LRRC4B: variants seen among roughly 807,000 people sequenced by gnomAD.
LRRC4B encodes leucine-rich repeat-containing protein 4B.
Under a neutral mutation model 7.3 loss-of-function variants are expected in LRRC4B, and 1 was observed. The ratio of observed to expected loss-of-function variants is 0.14; its 90% CI spans 0.05 to 0.65. LRRC4B has a LOEUF of 0.65. Among genes scored for constraint, LRRC4B ranks in the 30% least tolerant of loss-of-function variants. The pLI is 0.84. For missense variants in LRRC4B, 730 were observed against 1,041.6 expected, an observed-to-expected ratio of 0.70 and a Z score of 4.12; for synonymous variants, 500 against 499.2, an observed-to-expected ratio of 1.00 and a Z score of -0.02.
chr19:50,518,210 C>G lies in LRRC4B; in HGVS notation c.1503G>C (p.Glu501Asp). 6.2e-7 allele frequency: 1 copy of G among 1,609,074 alleles called. No homozygotes were observed. The highest frequency in any genetic ancestry group is 8.5e-7 in the Non-Finnish European group (1 of 1,178,816). Reference protein sequence around the residue: ...TVETLETQPGEEALQPRGTEK... With the variant: ...TVETLETQPGDEALQPRGTEK... Reference sequence around the variant, plus strand: ...CCGTCCCCCGCGGCTGCAGGGCCTCCTCTCCGGGCTGCGTCTCCAGGGTCT... The same window carrying G: ...CCGTCCCCCGCGGCTGCAGGGCCTCGTCTCCGGGCTGCGTCTCCAGGGTCT... The change falls in exon 3 of 3, where the codon GAG (glutamate) becomes GAC (aspartate). Residue 501 changes from glutamate to aspartate, a missense_variant. Physicochemically the swap from Glu to Asp is conservative, Grantham distance 45. Coordinates refer to ENST00000652263, the MANE Select transcript of LRRC4B (RefSeq NM_001080457.2).
In LRRC4B at chr19:50,556,524, G is replaced by C. The variant is rs996679548; in HGVS notation, c.-35-7651C>G. The stretch of plus-strand genomic sequence containing the variant: ...GACACCTCCAGGAGGTCTTCTTTGA[G>C]CTCCCCCTACCGTCCGTATCCCTTG... On this transcript the variant is annotated intron_variant, in intron 1 of 2. Coordinates refer to ENST00000652263, the MANE Select transcript of LRRC4B (RefSeq NM_001080457.2). This position sits in a 1 kb window ranked among gnomAD's most constrained non-coding sequence, Gnocchi z 4.2. Among the ~76,000 whole-genome samples, 1 of 152,148 alleles carries C rather than the reference G, an allele frequency of 6.6e-6. No homozygotes were observed. The highest frequency in any genetic ancestry group is 6.5e-5 in the Admixed American group (1 of 15,278).
chr19:50,535,120 G>A (rs560512535), intron 2 of LRRC4B, among the ~76,000 whole-genome samples: 18 of 151,846 alleles, frequency 1.2e-4, no homozygotes, highest in Admixed American at 8.5e-4. Context: ...TGCCCGCCTT[G>A]GCCTCCCAAA....
rs369881186 is a variant in LRRC4B at position 50,518,369 on chromosome 19, C to G, written c.1344G>C (p.Ser448=). ...VTNSAGNTTA[S]ATLNVSAVDP... is the part of the protein sequence containing the mutation. ...CCACGGCCGAGACGTTGAGCGTGGC[C>G]GAGGCGGTGGTGTTGCCGGCTGAGT... Residue 448 remains serine, a synonymous_variant, in exon 3 of 3, where the codon TCG becomes TCC. Coordinates refer to ENST00000652263, the MANE Select transcript of LRRC4B (RefSeq NM_001080457.2). 1 of 1,598,878 alleles carries G rather than the reference C, an allele frequency of 6.3e-7. No individual in the cohort carries two copies. The highest frequency in any genetic ancestry group is 8.5e-7 in the Non-Finnish European group (1 of 1,174,254).
In LRRC4B at chr19:50,548,555, T is replaced by C; in HGVS notation, c.284A>G (p.Glu95Gly). 6.3e-7 allele frequency: 1 copy of C among 1,598,254 alleles called. No homozygotes were observed. Among genetic ancestry groups the C allele is most frequent in the Non-Finnish European group, 8.5e-7 (1 of 1,178,126 alleles). Residue 95 changes from glutamate (E) to glycine (G), a missense_variant, in exon 2 of 3, where the codon GAG becomes GGG. Around this residue, in one of 6 missense-constraint regions of LRRC4B, gnomAD observed 143 missense variants for 158.4 expected, o/e 0.90. Coordinates refer to ENST00000652263, the MANE Select transcript of LRRC4B (RefSeq NM_001080457.2). The surrounding 1 kb of genome is among the most constrained non-coding windows in gnomAD (Gnocchi z 6.8). Reference protein sequence around the residue: ...PVNTRYLNLQENGIQVIRTDT... With the variant: ...PVNTRYLNLQGNGIQVIRTDT... ...GGCCCCGCATACCTGGATGCCGTTC[T>C]CTTGCAGGTTCAGGTACCGCGTGTT... is the stretch of plus-strand genomic sequence containing the variant.
At chr19:50,545,781 T>A (rs1481703152) in intron 2 of LRRC4B, among the ~76,000 whole-genome samples, 1 of 148,674 alleles carries the variant, frequency 6.7e-6, no homozygotes, top group Non-Finnish European at 1.5e-5. Context: ...TGGAGTGCAG[T>A]GGTGAAATCT....
In LRRC4B at chr19:50,519,465, T is replaced by TG. The variant is rs907721729; in HGVS notation, c.298-51dup. 10 of 1,485,640 alleles carry TG rather than the reference T, an allele frequency of 6.7e-6. No homozygotes were observed. The highest frequency in any genetic ancestry group is 2.8e-5 in the African/African-American group (2 of 71,706). 92.0% of individuals were successfully genotyped at this position (1,485,640 alleles called of 1,614,324 possible). On this transcript the variant is annotated intron_variant, in intron 2 of 2. Coordinates refer to ENST00000652263, the MANE Select transcript of LRRC4B (RefSeq NM_001080457.2). This position sits in a 1 kb window ranked among gnomAD's most constrained non-coding sequence, Gnocchi z 8.1. ...GTCACGGAGATACTGACGGGGACCGTGGGGGGATCACCAAGGTCCCGGGCG... is the reference window on the plus strand; with the variant it reads ...GTCACGGAGATACTGACGGGGACCGTGGGGGGGATCACCAAGGTCCCGGGCG...
intron 1 of LRRC4B, among the ~76,000 whole-genome samples, chr19:50,551,446 C>G (rs946426553): frequency 2.7e-5 from 4 of 149,926 alleles, no homozygotes; most frequent in Non-Finnish European, 5.9e-5. Context: ...CCTCCGGTCT[C>G]CTTCCACCCC....
In LRRC4B at chr19:50,563,692, C is replaced by G. The variant is rs531920750; in HGVS notation, c.-36+4252G>C. Among the ~76,000 whole-genome samples the G allele has an allele frequency of 1.3e-3, 200 of 152,310 alleles. No homozygotes were observed. Among genetic ancestry groups the G allele is most frequent in the Non-Finnish European group, 1.5e-3 (100 of 68,012 alleles). On this transcript the variant is annotated intron_variant, in intron 1 of 2. Coordinates refer to ENST00000652263, the MANE Select transcript of LRRC4B (RefSeq NM_001080457.2). This position sits in a 1 kb window ranked among gnomAD's most constrained non-coding sequence, Gnocchi z 4.9. ...CATGCTGGGGACAAGAGTGTGGGGTCTGTGGCCCACCCCAGCCATCAGCCA... is the reference window on the plus strand; with the variant it reads ...CATGCTGGGGACAAGAGTGTGGGGTGTGTGGCCCACCCCAGCCATCAGCCA...
chr19:50,563,105 C>T lies in LRRC4B; in HGVS notation c.-36+4839G>A, dbSNP rs999563377. On this transcript the variant is annotated intron_variant, in intron 1 of 2. Transcript: ENST00000652263. The surrounding 1 kb of genome is among the most constrained non-coding windows in gnomAD (Gnocchi z 4.9). ...CTACCAGACACCCCCCATTCTCACT[C>T]TCAGCAGCCCTCCTGGGGAAACAGC... Among the ~76,000 whole-genome samples, 1 of 152,146 alleles carries T rather than the reference C, an allele frequency of 6.6e-6. No homozygotes were observed. The highest frequency in any genetic ancestry group is 1.5e-5 in the Non-Finnish European group (1 of 68,010).
intron 2 of LRRC4B, among the ~76,000 whole-genome samples, chr19:50,543,650 G>A (rs1380658114): frequency 6.6e-6 from 1 of 151,676 alleles, no homozygotes; most frequent in Non-Finnish European, 1.5e-5. Context: ...CCAGGAGTTC[G>A]AGACCAGCCG....
intron 1 of LRRC4B, among the ~76,000 whole-genome samples, chr19:50,560,952 G>A (rs1418644693): frequency 1.3e-5 from 2 of 152,046 alleles, no homozygotes; most frequent in Admixed American, 6.6e-5. Flanking sequence ...TTAGCCAGGC[G>A]CTGTGGTGCG....
chr19:50,537,254 A>G lies in LRRC4B; in HGVS notation c.297+11288T>C, dbSNP rs962018519. On this transcript the variant is annotated intron_variant, in intron 2 of 2. Transcript: ENST00000652263. The surrounding 1 kb of genome is among the most constrained non-coding windows in gnomAD (Gnocchi z 5.5). ...AACCATGGGACCAGGACCGTTTGCAAGTGTCTTAACTCTCCTATGCCTCAG... is the reference window on the plus strand; with the variant it reads ...AACCATGGGACCAGGACCGTTTGCAGGTGTCTTAACTCTCCTATGCCTCAG... Among the ~76,000 whole-genome samples the G allele has an allele frequency of 1.3e-5, 2 of 152,178 alleles. No individual in the cohort carries two copies. Among genetic ancestry groups the G allele is most frequent in the African/African-American group, 4.8e-5 (2 of 41,440 alleles).
chr19:50,564,862 G>A (rs193173645), intron 1 of LRRC4B, among the ~76,000 whole-genome samples: 1 of 99,654 alleles, frequency 1.0e-5, no homozygotes, highest in Non-Finnish European at 2.2e-5. Flanking sequence ...AAGGGACTGA[G>A]GATTCAGCGG....
At chr19:50,524,761 T>C (rs938354235) in intron 2 of LRRC4B, among the ~76,000 whole-genome samples, 13 of 152,316 alleles carry the variant, frequency 8.5e-5, no homozygotes, top group South Asian at 8.3e-4. Context: ...AAACCCAACA[T>C]GTGTTTTACA....
chr19:50,520,203 C>CAAA lies in LRRC4B; in HGVS notation c.298-791_298-789dup, dbSNP rs1173919963. On this transcript the variant is annotated intron_variant, in intron 2 of 2. Transcript: ENST00000652263. ...CCTGGGCAATGAAGTAATACCCTGT[C>CAAA]AAAAAAAAAAAAAAAAAAAAAAAAA... Among the ~76,000 whole-genome samples the CAAA allele has an allele frequency of 7.5e-4, 7 of 9,382 alleles. 1 individual carries two copies. Among genetic ancestry groups the CAAA allele is most frequent in the Middle Eastern group, 0.062 (1 of 16 alleles). 6.2% of individuals were successfully genotyped at this position (9,382 alleles called of 152,430 possible).
intron 2 of LRRC4B, among the ~76,000 whole-genome samples, chr19:50,535,862 C>T (rs950352831): frequency 5.3e-5 from 8 of 152,238 alleles, no homozygotes; most frequent in African/African-American, 1.9e-4. Context: ...CGCCTCCCAC[C>T]CTTCCCCACC....
intron 2 of LRRC4B, among the ~76,000 whole-genome samples, chr19:50,531,208 C>T (rs1208584643): frequency 5.3e-5 from 8 of 152,230 alleles, no homozygotes; most frequent in Non-Finnish European, 1.0e-4. Context: ...CTGACTCCCC[C>T]GGCAGCCCTG....
At position 50,519,832 on chromosome 19, in the gene LRRC4B, C is replaced by T. The variant is rs1980475973; in HGVS notation, c.298-417G>A. Among the ~76,000 whole-genome samples the T allele has an allele frequency of 1.3e-5, 2 of 151,938 alleles. No individual in the cohort carries two copies. Among genetic ancestry groups the T allele is most frequent in the African/African-American group, 4.8e-5 (2 of 41,344 alleles). On this transcript the variant is annotated intron_variant, in intron 2 of 2. Coordinates refer to ENST00000652263, the MANE Select transcript of LRRC4B (RefSeq NM_001080457.2). The surrounding 1 kb of genome is among the most constrained non-coding windows in gnomAD (Gnocchi z 8.1). ...AGTCTGCAGTGAGTCGAGATAGTGC[C>T]ACTGCACTCCTGCCTGGGCAACAGA...
At chr19:50,560,863 C>T (rs149938411) in intron 1 of LRRC4B, among the ~76,000 whole-genome samples, 2,836 of 151,820 alleles carry the variant, frequency 0.019, 38 homozygotes, top group Non-Finnish European at 0.028. Context: ...CCGAGACGGG[C>T]GGATCGCTTG....
Sources: gnomAD v4.1 joint callset for allele counts (sites outside exome capture counted in the v4.1 genomes callset) on GRCh38, gnomAD v4.1.1 for gene constraint, gnomAD v4.1.1 regional missense constraint, Gnocchi (gnomAD v3.1) non-coding constraint, MANE v1.5 for transcripts, NCBI Gene and HGNC (gene_info 2026-07-23, HGNC 2026-07-21) for gene names.